Variants in CACNA1D observed in about 807,000 individuals in gnomAD.
CACNA1D encodes voltage-dependent L-type calcium channel subunit alpha-1D.
CACNA1D carries 55 observed loss-of-function variants against 257.1 expected under a neutral mutation model. That is an observed-to-expected ratio of 0.21 (90% confidence interval 0.17 to 0.27). CACNA1D has a LOEUF of 0.27. CACNA1D is among the 10% of genes least tolerant of loss of function. CACNA1D has a pLI of 1.00. For synonymous variants in CACNA1D, 980 were observed against 1,014.9 expected, an observed-to-expected ratio of 0.97 and a Z score of 0.65; for missense variants, 1,876 against 2,784.0, an observed-to-expected ratio of 0.67 and a Z score of 7.34.
intron 39 of CACNA1D, among the ~76,000 whole-genome samples, chr3:53,784,523 C>G (rs2095442616): frequency 6.6e-6 from 1 of 152,198 alleles, no homozygotes; most frequent in African/African-American, 2.4e-5. Flanking sequence ...CCCTTGAGTT[C>G]TCTCCTGCAG....
At chr3:53,715,071 T>C (rs1010399565) in intron 9 of CACNA1D, among the ~76,000 whole-genome samples, 2 of 152,202 alleles carry the variant, frequency 1.3e-5, no homozygotes, top group African/African-American at 4.8e-5. Context: ...GGAAATATTT[T>C]GGAAAAGGAT....
chr3:53,706,202 G>A (rs1405434204), intron 9 of CACNA1D, among the ~76,000 whole-genome samples: 1 of 152,242 alleles, frequency 6.6e-6, no homozygotes, highest in East Asian at 1.9e-4. Context: ...GGTCCTGGAT[G>A]TGAGTTGAGC....
At chr3:53,536,528 A>G (rs1436026203) in intron 3 of CACNA1D, among the ~76,000 whole-genome samples, 1 of 152,254 alleles carries the variant, frequency 6.6e-6, no homozygotes, top group Non-Finnish European at 1.5e-5. Context: ...TCTCCAAACT[A>G]GGGGATCCAA....
At position 53,723,457 on chromosome 3, in the gene CACNA1D, G is replaced by A. The variant is rs745525591; in HGVS notation, c.1690G>A (p.Ala564Thr). Residue 564 changes from alanine (A) to threonine (T), a missense_variant, in exon 13 of 48, where the codon GCT becomes ACT. Ala to Thr is a moderately conservative substitution (Grantham distance 58, BLOSUM62 0). This residue lies in a region of CACNA1D where 257 missense variants were observed against 399.7 expected (regional missense o/e 0.64). Transcript: ENST00000350061. The surrounding 1 kb of genome is among the most constrained non-coding windows in gnomAD (Gnocchi z 5.6). ...AGATATTGCCAACAAAGTCCTCTTG[G>A]CTCTGTTCACCTGCGAGATGCTGGT... Reference protein sequence around the residue: ...IQDIANKVLLALFTCEMLVKM... With the variant: ...IQDIANKVLLTLFTCEMLVKM... 7 of 1,613,896 alleles carry A rather than the reference G, an allele frequency of 4.3e-6. No homozygotes were observed. Among genetic ancestry groups the A allele is most frequent in the Middle Eastern group, 1.6e-4 (1 of 6,084 alleles).
At chr3:53,735,920 T>G (rs2095052874) in intron 20 of CACNA1D, among the ~76,000 whole-genome samples, 2 of 152,160 alleles carry the variant, frequency 1.3e-5, no homozygotes, top group Admixed American at 1.3e-4. Context: ...CCAGGCTGTC[T>G]TGTTCAGGGT....
At position 53,776,823 on chromosome 3, in the gene CACNA1D, T is replaced by C. The variant is rs771582587; in HGVS notation, c.4491-37T>C. 28 of 1,612,550 alleles carry C rather than the reference T, an allele frequency of 1.7e-5. No homozygotes were observed. The Admixed American group carries it at 4.2e-4, about 24-fold the overall frequency. ...TGGACTGAAAGTTCGGGCCAGCTGG[T>C]ACTGTTCCTGGACCTTAGATTGTAT... On this transcript the variant is annotated intron_variant, in intron 36 of 47. Transcript: ENST00000350061.
At chr3:53,622,001 A>G (rs1389172187) in intron 3 of CACNA1D, among the ~76,000 whole-genome samples, 6 of 152,180 alleles carry the variant, frequency 3.9e-5, no homozygotes, top group Non-Finnish European at 8.8e-5. Context: ...CTCTTAACGC[A>G]TCATCGGAGG....
chr3:53,680,377 C>A (rs1355293349), intron 8 of CACNA1D, among the ~76,000 whole-genome samples: 1 of 151,886 alleles, frequency 6.6e-6, no homozygotes, highest in Non-Finnish European at 1.5e-5. Flanking sequence ...TACAGAAAGA[C>A]CTCTGAGGAC....
At chr3:53,551,078 T>C (rs529360881) in intron 3 of CACNA1D, among the ~76,000 whole-genome samples, 1 of 152,398 alleles carries the variant, frequency 6.6e-6, no homozygotes, top group African/African-American at 2.4e-5. Context: ...GATGAACATA[T>C]AGTTCTCCGC....
At chr3:53,639,521 G>A (rs192924812) in intron 3 of CACNA1D, among the ~76,000 whole-genome samples, 1 of 151,890 alleles carries the variant, frequency 6.6e-6, no homozygotes, top group Non-Finnish European at 1.5e-5. Flanking sequence ...TGAGTAGATG[G>A]GACTACAGGT....
intron 24 of CACNA1D, 33 bp from the exon 25 acceptor site, chr3:53,745,790 A>G (rs1168971032): frequency 1.2e-6 from 2 of 1,608,576 alleles, no homozygotes; most frequent in South Asian, 2.2e-5. Context: ...AGAAGCCTGC[A>G]TTTACTTAAC....
intron 45 of CACNA1D, among the ~76,000 whole-genome samples, chr3:53,806,252 C>T (rs929882101): frequency 6.9e-6 from 1 of 145,164 alleles, no homozygotes; most frequent in Non-Finnish European, 1.5e-5. Context: ...CTCCTCCTCC[C>T]TCACTTTCTC....
intron 3 of CACNA1D, among the ~76,000 whole-genome samples, chr3:53,620,007 T>A (rs1308315108): frequency 6.6e-6 from 1 of 152,186 alleles, no homozygotes; most frequent in Non-Finnish European, 1.5e-5. Context: ...AGTTACAGAT[T>A]GTTACAAGTG....
chr3:53,495,356 GT>G lies in CACNA1D; in HGVS notation c.67+124del. ...GGTTGGAGAGGGTGCTGCCAGCTCG[GT>G]GTCGTCTACACAGAGAGGGGACATG... On this transcript the variant is annotated intron_variant, in intron 1 of 47. Coordinates refer to ENST00000350061, the MANE Select transcript of CACNA1D (RefSeq NM_001128840.3). This position sits in a 1 kb window ranked among gnomAD's most constrained non-coding sequence, Gnocchi z 5.1. 3 of 1,143,678 alleles carry G rather than the reference GT, an allele frequency of 2.6e-6. No individual in the cohort carries two copies. Among genetic ancestry groups the G allele is most frequent in the Non-Finnish European group, 3.9e-6 (3 of 759,622 alleles). The allele number at this position is 1,143,678 out of a possible 1,614,324, so 70.8% of individuals were successfully genotyped here. A position where few individuals can be genotyped will look rare whatever the true frequency, so the allele number is the denominator to read the frequency against.
intron 30 of CACNA1D, among the ~76,000 whole-genome samples, chr3:53,762,305 T>G (rs1253293430): frequency 1.3e-5 from 2 of 152,220 alleles, no homozygotes; most frequent in Non-Finnish European, 2.9e-5. Context: ...AGGACAGGCC[T>G]TTTTGCAGCA....
chr3:53,729,797 C>T lies in CACNA1D; in HGVS notation c.2222-645C>T, dbSNP rs1269094105. On this transcript the variant is annotated intron_variant, in intron 15 of 47. Transcript: ENST00000350061. The stretch of plus-strand genomic sequence containing the variant: ...AAGTTCAGGTACAGTGATCAAAGAT[C>T]GAGCTGCAGTGAGACTATTCACAAC... 6.2e-4 allele frequency among the ~76,000 whole-genome samples: 94 copies of T among 152,138 alleles called. 2 individuals carry two copies. The highest frequency in any genetic ancestry group is 1.9e-4 in the East Asian group (1 of 5,198).
In CACNA1D at chr3:53,722,453, G is replaced by C. The variant is rs2094892050; in HGVS notation, c.1645G>C (p.Asp549His). The C allele has an allele frequency of 6.2e-7, 1 of 1,614,068 alleles. No individual in the cohort carries two copies. The highest frequency in any genetic ancestry group is 8.5e-7 in the Non-Finnish European group (1 of 1,180,044). Residue 549 changes from aspartate to histidine, a missense_variant, in exon 12 of 48, where the codon GAT (aspartate) becomes CAT (histidine). Coordinates refer to ENST00000350061, the MANE Select transcript of CACNA1D (RefSeq NM_001128840.3). ...TISSEHYNQPDWLTQIQDIAN... is the reference protein window; with the variant it reads ...TISSEHYNQPHWLTQIQDIAN... Reference sequence around the variant, plus strand: ...TTCCTCTGAGCACTACAATCAGCCAGATTGGTTGACACAGATTCAAGGTAC... The same window carrying C: ...TTCCTCTGAGCACTACAATCAGCCACATTGGTTGACACAGATTCAAGGTAC...
At chr3:53,795,539 A>G (rs2095503867) in intron 40 of CACNA1D, among the ~76,000 whole-genome samples, 1 of 152,240 alleles carries the variant, frequency 6.6e-6, no homozygotes, top group Non-Finnish European at 1.5e-5. Flanking sequence ...CCACATGGGA[A>G]TAACTTTGGC....
intron 4 of CACNA1D, among the ~76,000 whole-genome samples, chr3:53,652,034 G>A (rs923412917): frequency 3.3e-5 from 5 of 152,198 alleles, no homozygotes; most frequent in East Asian, 1.9e-4. Context: ...CGCCCCCGCC[G>A]CCAATACATT....
Sources: allele counts gnomAD v4.1 joint callset (sites outside exome capture counted in the v4.1 genomes callset), GRCh38; gene constraint gnomAD v4.1.1; regional missense constraint gnomAD v4.1.1; non-coding constraint Gnocchi (gnomAD v3.1); transcripts MANE v1.5; gene names NCBI Gene and HGNC (gene_info 2026-07-23, HGNC 2026-07-21).